CNTNAP1: variants seen among roughly 807,000 people sequenced by gnomAD.
The protein encoded by CNTNAP1 is contactin-associated protein 1.
CNTNAP1 carries 80 observed loss-of-function variants against 161.5 expected under a neutral mutation model. That is an observed-to-expected ratio of 0.50 (90% confidence interval 0.41 to 0.60). CNTNAP1 has a LOEUF of 0.60. CNTNAP1 is among the 20% of genes least tolerant of loss of function. The probability of loss-of-function intolerance (pLI) is 0.00; values close to 1 mark genes in which losing one functional copy is unlikely to be tolerated. For synonymous variants in CNTNAP1, 695 were observed against 733.1 expected (o/e 0.95, Z 0.84); for missense variants, 1,464 against 1,854.8 (o/e 0.79, Z 3.87).
In CNTNAP1 at chr17:42,699,242, G is replaced by A. The variant is rs1472084306; in HGVS notation, c.*332G>A. ...TGCTGTCAGGGATTAACAACAGAGTGTAGGGGAGATTAACTGCCTCCCTTC... is the reference window on the plus strand; with the variant it reads ...TGCTGTCAGGGATTAACAACAGAGTATAGGGGAGATTAACTGCCTCCCTTC... On this transcript the variant is annotated 3_prime_UTR_variant, in exon 24 of 24. Transcript: ENST00000264638. 6 of 249,282 alleles carry A rather than the reference G, an allele frequency of 2.4e-5. No individual in the cohort carries two copies. In the East Asian group the frequency reaches 4.7e-4, roughly 20 times the overall value. 15.4% of individuals were successfully genotyped at this position (249,282 alleles called of 1,614,324 possible).
chr17:42,685,493 C>T lies in CNTNAP1; in HGVS notation c.715+73C>T, dbSNP rs1425188450. 4 of 1,406,758 alleles carry T rather than the reference C, an allele frequency of 2.8e-6. No homozygotes were observed. The highest frequency in any genetic ancestry group is 1.4e-5 in the African/African-American group (1 of 70,668). 87.1% of individuals were successfully genotyped at this position (1,406,758 alleles called of 1,614,324 possible). On this transcript the variant is annotated intron_variant, in intron 5 of 23. Transcript: ENST00000264638. This position sits in a 1 kb window ranked among gnomAD's most constrained non-coding sequence, Gnocchi z 5.0. ...CTCACCGCCCTCCTCGTGGCACCTC[C>T]TCCGCGCATCCGCGCTCAGCCTGGT...
chr17:42,693,436 T>G lies in CNTNAP1; in HGVS notation c.2892T>G (p.Pro964=). ...SPNCTGHCAH[P]RLPCFHGGRC... is the part of the protein sequence containing the mutation. Reference sequence around the variant, plus strand: ...ACTGCACAGGCCACTGTGCCCACCCTCGGCTCCCCTGTTTCCATGGAGGCC... The same window carrying G: ...ACTGCACAGGCCACTGTGCCCACCCGCGGCTCCCCTGTTTCCATGGAGGCC... The change falls in exon 18 of 24, where the codon CCT becomes CCG. Residue 964 remains proline (P), a synonymous_variant. Coordinates refer to ENST00000264638, the MANE Select transcript of CNTNAP1 (RefSeq NM_003632.3). 6.2e-7 allele frequency: 1 copy of G among 1,614,208 alleles called. No individual in the cohort carries two copies. The highest frequency in any genetic ancestry group is 8.5e-7 in the Non-Finnish European group (1 of 1,180,036).
chr17:42,698,496 A>C, intron 23 of CNTNAP1, 122 bp from the exon 24 acceptor site: 1 of 733,824 alleles, frequency 1.4e-6, no homozygotes. Flanking sequence ...TGAAATCCCA[A>C]AGTGTGTGTA....
rs763680724 is a variant in CNTNAP1 at position 42,698,804 on chromosome 17, A to G, written c.4049A>G (p.Asn1350Ser). 3.7e-6 allele frequency: 6 copies of G among 1,608,778 alleles called. No individual in the cohort carries two copies. The East Asian group carries it at 1.1e-4, about 30-fold the overall frequency. The change falls in exon 24 of 24, where the codon AAC becomes AGC. Residue 1350 changes from asparagine to serine, a missense_variant. By Grantham distance (46) the Asn-to-Ser change is conservative. Transcript: ENST00000264638. ...AQVPTPTAAPNQAPASAPAPA... is the reference protein window; with the variant it reads ...AQVPTPTAAPSQAPASAPAPA... ...GTCCCCACCCCTACAGCAGCTCCCA[A>G]CCAAGCTCCAGCCTCAGCCCCAGCC...
chr17:42,687,845 C>T lies in CNTNAP1; in HGVS notation c.1170C>T (p.Arg390=). ...RGRLAVSFRF[R]TWDLTGLLLF... ...GCCTGGCAGTCTCATTTCGCTTCCG[C>T]ACCTGGGACCTCACCGGGCTTCTCC... The change falls in exon 8 of 24, where the codon CGC becomes CGT. Residue 390 remains arginine, a synonymous_variant. Coordinates refer to ENST00000264638, the MANE Select transcript of CNTNAP1 (RefSeq NM_003632.3). The surrounding 1 kb of genome is among the most constrained non-coding windows in gnomAD (Gnocchi z 4.7). 1 of 1,614,254 alleles carries T rather than the reference C, an allele frequency of 6.2e-7. No individual in the cohort carries two copies. Among genetic ancestry groups the T allele is most frequent in the African/African-American group, 1.3e-5 (1 of 75,084 alleles).
At position 42,686,649 on chromosome 17, in the gene CNTNAP1, C is replaced by G. The variant is rs73303743; in HGVS notation, c.901-254C>G. 0.013 allele frequency among the ~76,000 whole-genome samples: 2,032 copies of G among 152,224 alleles called. 47 individuals carry two copies. The highest frequency in any genetic ancestry group is 0.047 in the African/African-American group (1,939 of 41,528). Reference sequence around the variant, plus strand: ...TTGTGGAGTTGTTAAAGACCCTGACCCCATCTGCAGATAAGAATCCCAGGC... The same window carrying G: ...TTGTGGAGTTGTTAAAGACCCTGACGCCATCTGCAGATAAGAATCCCAGGC... On this transcript the variant is annotated intron_variant, in intron 6 of 23. Coordinates refer to ENST00000264638, the MANE Select transcript of CNTNAP1 (RefSeq NM_003632.3).
chr17:42,688,617 T>A lies in CNTNAP1; in HGVS notation c.1456+6T>A. ...GACCTCATATTTCTTTGGGGGTAAG[T>A]GGGGGCCAACCTGACCAGACCTCTG... On this transcript the variant is annotated splice_donor_region_variant and intron_variant, in intron 9 of 23. Coordinates refer to ENST00000264638, the MANE Select transcript of CNTNAP1 (RefSeq NM_003632.3). The A allele has an allele frequency of 6.2e-7, 1 of 1,614,090 alleles. No individual in the cohort carries two copies. Among genetic ancestry groups the A allele is most frequent in the Non-Finnish European group, 8.5e-7 (1 of 1,179,998 alleles).
At chr17:42,693,224 G>T in intron 17 of CNTNAP1, 73 bp from the exon 18 acceptor site, 1 of 1,573,640 alleles carries the variant, frequency 6.4e-7, no homozygotes, top group Non-Finnish European at 8.7e-7. Context: ...CTCCCAAAGT[G>T]CTGGGATTAC....
rs1158224394 is a variant in CNTNAP1, at chr17:42,682,781, T to C, written c.-49T>C. ...GGAGCCCAAGCCAGAACTCGAGCCC[T>C]AGCCGGAGCCGTTCACAGGGAGGCG... On this transcript the variant is annotated 5_prime_UTR_variant, in exon 1 of 24. Coordinates refer to ENST00000264638, the MANE Select transcript of CNTNAP1 (RefSeq NM_003632.3). 2 of 1,540,718 alleles carry C rather than the reference T, an allele frequency of 1.3e-6. No homozygotes were observed. The highest frequency in any genetic ancestry group is 2.4e-5 in the East Asian group (1 of 41,020).
At chr17:42,697,497 G>T in intron 21 of CNTNAP1, 57 bp from the exon 22 acceptor site, 1 of 1,610,684 alleles carries the variant, frequency 6.2e-7, no homozygotes, top group Non-Finnish European at 8.5e-7. Flanking sequence ...TGTGGACAGT[G>T]AGAGTGGCAG....
At chr17:42,695,014 G>A (rs2053134893) in intron 18 of CNTNAP1, among the ~76,000 whole-genome samples, 1 of 152,124 alleles carries the variant, frequency 6.6e-6, no homozygotes, top group Non-Finnish European at 1.5e-5. Flanking sequence ...GCATGATCTT[G>A]GCTCACTGCA....
Position 42,696,048 on chromosome 17 carries a change from C to T in CNTNAP1, c.3370C>T (p.Leu1124=). ...DDGTLQLRYQ[L]GTSPYVYQLT... is the part of the protein sequence containing the mutation. ...AGGGACCCTTCAGCTGCGATATCAG[C>T]TGGGCACCAGTCCCTACGTGTACCA... The change falls in exon 20 of 24, where the codon CTG becomes TTG. Residue 1124 remains leucine (L), a synonymous_variant. Transcript: ENST00000264638. The T allele has an allele frequency of 1.2e-6, 2 of 1,614,172 alleles. No homozygotes were observed. Among genetic ancestry groups the T allele is most frequent in the Non-Finnish European group, 1.7e-6 (2 of 1,180,026 alleles).
rs142954593 is a variant in CNTNAP1 at position 42,696,543 on chromosome 17, G to A, written c.3474+391G>A. Among the ~76,000 whole-genome samples, 719 of 152,168 alleles carry A rather than the reference G, an allele frequency of 4.7e-3. 4 individuals are homozygous for A. Among genetic ancestry groups the A allele is most frequent in the African/African-American group, 0.014 (592 of 41,504 alleles). On this transcript the variant is annotated intron_variant, in intron 20 of 23. Coordinates refer to ENST00000264638, the MANE Select transcript of CNTNAP1 (RefSeq NM_003632.3). The stretch of plus-strand genomic sequence containing the variant: ...TCTCCATGTTGGTCAGGCTGGTCTC[G>A]AACACCCGACCTCAGATGATCCGCC...
In CNTNAP1 at chr17:42,687,842, C is replaced by T. The variant is rs772734821; in HGVS notation, c.1167C>T (p.Phe389=). Residue 389 remains phenylalanine (F), a synonymous_variant, in exon 8 of 24, where the codon TTC becomes TTT. Coordinates refer to ENST00000264638, the MANE Select transcript of CNTNAP1 (RefSeq NM_003632.3). This position sits in a 1 kb window ranked among gnomAD's most constrained non-coding sequence, Gnocchi z 4.7. ...RRGRLAVSFR[F]RTWDLTGLLL... ...GCCGCCTGGCAGTCTCATTTCGCTT[C>T]CGCACCTGGGACCTCACCGGGCTTC... 1.2e-6 allele frequency: 2 copies of T among 1,614,244 alleles called. No homozygotes were observed. Among genetic ancestry groups the T allele is most frequent in the South Asian group, 2.2e-5 (2 of 91,086 alleles).
At chr17:42,686,484 T>TTTTG (rs2053015716) in intron 6 of CNTNAP1, among the ~76,000 whole-genome samples, 1 of 142,496 alleles carries the variant, frequency 7.0e-6, no homozygotes, top group South Asian at 2.3e-4. Flanking sequence ...TTTTTTTTTT[T>TTTTG]TTTTTTTTTG....
chr17:42,693,131 T>C (rs1430333408), intron 17 of CNTNAP1, among the ~76,000 whole-genome samples, 166 bp from the exon 18 acceptor site: 1 of 152,082 alleles, frequency 6.6e-6, no homozygotes, highest in Non-Finnish European at 1.5e-5. Flanking sequence ...TAATTTTTTT[T>C]GTATTTTTTA....
At position 42,691,370 on chromosome 17, in the gene CNTNAP1, T is replaced by A. The variant is rs2053084209; in HGVS notation, c.2217-14T>A. 6.2e-7 allele frequency: 1 copy of A among 1,613,934 alleles called. No homozygotes were observed. Among genetic ancestry groups the A allele is most frequent in the African/African-American group, 1.3e-5 (1 of 74,884 alleles). ...GAGTGGCTGGGGCTGAGCCATGACA[T>A]CCTGCCCCCACAGGAGAACTGACAA... is the stretch of plus-strand genomic sequence containing the variant. On this transcript the variant is annotated splice_polypyrimidine_tract_variant and intron_variant, in intron 14 of 23. Coordinates refer to ENST00000264638, the MANE Select transcript of CNTNAP1 (RefSeq NM_003632.3). The surrounding 1 kb of genome is among the most constrained non-coding windows in gnomAD (Gnocchi z 4.3).
In CNTNAP1 at chr17:42,684,346, A is replaced by G. The variant is rs992029408; in HGVS notation, c.363+117A>G. On this transcript the variant is annotated intron_variant, in intron 3 of 23. Coordinates refer to ENST00000264638, the MANE Select transcript of CNTNAP1 (RefSeq NM_003632.3). ...GGTGGTGAGGGCTCGGACAAGGAGC[A>G]GTGACTCCACTCCAGGGACTCTGTC... 4.2e-5 allele frequency: 39 copies of G among 935,596 alleles called. No individual in the cohort carries two copies. The African/African-American group carries it at 6.3e-4, about 15-fold the overall frequency. 58.0% of individuals were successfully genotyped at this position (935,596 alleles called of 1,614,324 possible). A position where few individuals can be genotyped will look rare whatever the true frequency, so the allele number is the denominator to read the frequency against.
chr17:42,692,505 G>A lies in CNTNAP1; in HGVS notation c.2537G>A (p.Arg846Gln), dbSNP rs1371275867. 5 of 1,613,892 alleles carry A rather than the reference G, an allele frequency of 3.1e-6. No homozygotes were observed. The highest frequency in any genetic ancestry group is 2.2e-5 in the East Asian group (1 of 44,876). The change falls in exon 17 of 24, where the codon CGG becomes CAG. Residue 846 changes from arginine to glutamine, a missense_variant. By Grantham distance (43) the Arg-to-Gln change is conservative (BLOSUM62 1). Coordinates refer to ENST00000264638, the MANE Select transcript of CNTNAP1 (RefSeq NM_003632.3). Reference sequence around the variant, plus strand: ...CCTGCATCACACTGTCCAGCATCCCGGGATGTGGTCTTCGCCTTTGATGTG... The same window carrying A: ...CCTGCATCACACTGTCCAGCATCCCAGGATGTGGTCTTCGCCTTTGATGTG... ...PYVRVELNTS[R>Q]DVVFAFDVGN... is the part of the protein sequence containing the mutation.
Sources: allele counts gnomAD v4.1 joint callset (sites outside exome capture counted in the v4.1 genomes callset), GRCh38; gene constraint gnomAD v4.1.1; non-coding constraint Gnocchi (gnomAD v3.1); transcripts MANE v1.5; gene names NCBI Gene and HGNC (gene_info 2026-07-23, HGNC 2026-07-21).